The following PRC1 variants were observed in gnomAD, a reference collection of about 807,000 sequenced individuals.
PRC1 encodes anaphase spindle elongation 1 homolog.
In PRC1, 54 loss-of-function variants were observed where a neutral mutation model predicts 91.2. That is an observed-to-expected ratio of 0.59 (90% CI 0.48 to 0.74). The LOEUF is 0.74. Ranked by LOEUF, PRC1 falls within the 30% of genes least tolerant of loss-of-function variation. The pLI is 0.00. For missense variants in PRC1, 727 were observed against 746.2 expected, an observed-to-expected ratio of 0.97 and a Z score of 0.30; for synonymous variants, 275 against 263.6, an observed-to-expected ratio of 1.04 and a Z score of -0.42.
chr15:90,977,914 G>C (rs957391304), intron 8 of PRC1, among the ~76,000 whole-genome samples: 8 of 152,072 alleles, frequency 5.3e-5, no homozygotes, highest in East Asian at 1.9e-4. Context: ...TACTCTTCTT[G>C]TTGTAACCAG....
chr15:90,975,697 A>G (rs2038619354), intron 9 of PRC1, among the ~76,000 whole-genome samples: 1 of 152,066 alleles, frequency 6.6e-6, no homozygotes, highest in Non-Finnish European at 1.5e-5. Flanking sequence ...TTAAAAAGAG[A>G]ATTAAGGCCA....
At chr15:90,981,138 CATGAGAGTTCA>C in intron 5 of PRC1, 105 bp from the exon 6 acceptor site, 9 of 1,446,604 alleles carry the variant, frequency 6.2e-6, no homozygotes, top group Non-Finnish European at 8.4e-6. Flanking sequence ...GAGGCACTTT[CATGAGAGTTCA>C]AAGTAGCATG....
intron 1 of PRC1, among the ~76,000 whole-genome samples, chr15:90,986,522 T>A (rs927932243): frequency 6.6e-6 from 1 of 152,096 alleles, no homozygotes; most frequent in African/African-American, 2.4e-5. Context: ...CTGGGGCGGC[T>A]GAGGCAGGAG....
chr15:90,980,121 C>T, intron 7 of PRC1, 121 bp downstream of exon 7: 1 of 1,302,246 alleles, frequency 7.7e-7, no homozygotes, highest in South Asian at 2.0e-5. Flanking sequence ...TGTGGTGGCC[C>T]AACACTTTGG....
intron 8 of PRC1, among the ~76,000 whole-genome samples, chr15:90,977,037 G>T (rs556523006): frequency 1.3e-5 from 2 of 148,938 alleles, no homozygotes; most frequent in South Asian, 4.2e-4. Context: ...GGCTGAGACA[G>T]GAGAATCACT....
intron 12 of PRC1, among the ~76,000 whole-genome samples, 163 bp from the exon 13 acceptor site, chr15:90,969,786 ATATATATATATATATG>A (rs1320446543): frequency 1.2e-5 from 1 of 83,986 alleles, no homozygotes; most frequent in Non-Finnish European, 2.0e-5. Context: ...ATATATATAT[ATATATATATATATATG>A]GGGCTGGGTG....
intron 3 of PRC1, 82 bp downstream of exon 3, chr15:90,983,936 C>T: frequency 6.5e-7 from 1 of 1,534,914 alleles, no homozygotes; most frequent in Non-Finnish European, 8.9e-7. Context: ...GGAAGCCTTC[C>T]ATCTGCAGGC....
At position 90,968,066 on chromosome 15, in the gene PRC1, C is replaced by T. The variant is rs145262255; in HGVS notation, c.1792-864G>A. The stretch of plus-strand genomic sequence containing the variant: ...CAGATATTAGCAGAGGTTAGTTTAC[C>T]GGCTTTGGTGCTGCCTGGTGGAGTC... On this transcript the variant is annotated intron_variant, in intron 14 of 14. Coordinates refer to ENST00000394249, the MANE Select transcript of PRC1 (RefSeq NM_003981.4). 1.9e-4 allele frequency: 184 copies of T among 985,386 alleles called. No individual in the cohort carries two copies. The African/African-American group carries it at 2.7e-3, about 15-fold the overall frequency. 61.0% of individuals were successfully genotyped at this position (985,386 alleles called of 1,614,324 possible). A position where few individuals can be genotyped will look rare whatever the true frequency, so the allele number is the denominator to read the frequency against.
In PRC1 at chr15:90,984,828, G is replaced by A. The variant is rs770929479; in HGVS notation, c.12-3C>T. 6.8e-6 allele frequency: 11 copies of A among 1,613,250 alleles called. No homozygotes were observed. The South Asian group carries it at 1.2e-4, about 18-fold the overall frequency. On this transcript the variant is annotated splice_polypyrimidine_tract_variant and splice_region_variant and intron_variant, in intron 1 of 14. Coordinates refer to ENST00000394249, the MANE Select transcript of PRC1 (RefSeq NM_003981.4). This position sits in a 1 kb window ranked among gnomAD's most constrained non-coding sequence, Gnocchi z 5.1. ...TGGACTCCTCCGCCAGCACCTCACT[G>A]AAAACCAAAAACTAAGGCCTGTTAG...
chr15:90,981,245 T>C, intron 5 of PRC1: 1 of 726,186 alleles, frequency 1.4e-6, no homozygotes, highest in Non-Finnish European at 2.2e-6. Flanking sequence ...CTGAAAAAAA[T>C]TTTAATTAAA....
intron 3 of PRC1, 139 bp from the exon 4 acceptor site, chr15:90,982,120 G>T: frequency 1.3e-6 from 1 of 774,242 alleles, no homozygotes; most frequent in Non-Finnish European, 2.1e-6. Context: ...ACAGAATATG[G>T]CACAAAGAGG....
At chr15:90,981,318 TA>T in intron 5 of PRC1, 180 bp downstream of exon 5, 1 of 731,420 alleles carries the variant, frequency 1.4e-6, no homozygotes, top group Non-Finnish European at 2.2e-6. Flanking sequence ...TGGAGCCATA[TA>T]AAGGTTTTTT....
rs779483247 is a variant in PRC1 at position 90,966,981 on chromosome 15, C to G, written c.*150G>C. On this transcript the variant is annotated 3_prime_UTR_variant, in exon 15 of 15. Transcript: ENST00000394249. Reference sequence around the variant, plus strand: ...CTATGATGGGCTTTCAACTGTAACACTCATTCACATCTTTAAGTTAGGCCC... The same window carrying G: ...CTATGATGGGCTTTCAACTGTAACAGTCATTCACATCTTTAAGTTAGGCCC... The G allele has an allele frequency of 2.9e-6, 2 of 678,572 alleles. No homozygotes were observed. The highest frequency in any genetic ancestry group is 5.2e-6 in the Non-Finnish European group (2 of 384,410). 42.0% of individuals were successfully genotyped at this position (678,572 alleles called of 1,614,324 possible). A position where few individuals can be genotyped will look rare whatever the true frequency, so the allele number is the denominator to read the frequency against.
intron 6 of PRC1, 181 bp from the exon 7 acceptor site, chr15:90,980,570 G>T: frequency 1.3e-6 from 1 of 740,806 alleles, no homozygotes. Flanking sequence ...CCAGACAGGA[G>T]TGCAGTGGCG....
intron 12 of PRC1, 91 bp downstream of exon 12, chr15:90,970,313 G>T: frequency 2.1e-6 from 2 of 935,054 alleles, no homozygotes; most frequent in South Asian, 1.5e-5. Flanking sequence ...CAAATCCAGG[G>T]ATCTTAGAAT....
At position 90,976,734 on chromosome 15, in the gene PRC1, C is replaced by T; in HGVS notation, c.1145G>A (p.Gly382Glu). Residue 382 changes from glycine (G) to glutamate (E), a missense_variant, in exon 9 of 15, where the codon GGA becomes GAA. By Grantham distance (98) the Gly-to-Glu change is moderately conservative. Transcript: ENST00000394249. Reference protein sequence around the residue: ...ASDPNRFTNRGGNLLKEEKQR... With the variant: ...ASDPNRFTNREGNLLKEEKQR... Reference sequence around the variant, plus strand: ...TTTTTCTTCTTTTAGAAGATTTCCTCCTCGGTTTGTAAATCGATTTGGATC... The same window carrying T: ...TTTTTCTTCTTTTAGAAGATTTCCTTCTCGGTTTGTAAATCGATTTGGATC... 1.9e-6 allele frequency: 3 copies of T among 1,613,750 alleles called. No individual in the cohort carries two copies. Among genetic ancestry groups the T allele is most frequent in the Non-Finnish European group, 2.5e-6 (3 of 1,179,754 alleles).
intron 14 of PRC1, chr15:90,968,359 C>T (rs1198934176): frequency 1.5e-4 from 148 of 985,484 alleles, no homozygotes; most frequent in Non-Finnish European, 1.7e-4. Context: ...CTGTTCCATT[C>T]TCTATCCCTG....
In PRC1 at chr15:90,994,387, G is replaced by C. The variant is rs201311117; in HGVS notation, c.11+20C>G. ...GCGTCGCTCCCTCCCGCGTCCCCTCGATTTCCCCGCAACCCGCACCTTCTC... is the reference window on the plus strand; with the variant it reads ...GCGTCGCTCCCTCCCGCGTCCCCTCCATTTCCCCGCAACCCGCACCTTCTC... On this transcript the variant is annotated intron_variant, in intron 1 of 14. Coordinates refer to ENST00000394249, the MANE Select transcript of PRC1 (RefSeq NM_003981.4). 1.1e-5 allele frequency: 18 copies of C among 1,611,256 alleles called. No individual in the cohort carries two copies. Among genetic ancestry groups the C allele is most frequent in the Non-Finnish European group, 1.5e-5 (18 of 1,178,908 alleles).
Position 90,974,104 on chromosome 15 carries a change from G to T in PRC1, c.1461+32C>A. 6.3e-7 allele frequency: 1 copy of T among 1,588,986 alleles called. No individual in the cohort carries two copies. Among genetic ancestry groups the T allele is most frequent in the South Asian group, 1.1e-5 (1 of 90,520 alleles). On this transcript the variant is annotated intron_variant, in intron 11 of 14. Transcript: ENST00000394249. This position sits in a 1 kb window ranked among gnomAD's most constrained non-coding sequence, Gnocchi z 4.6. ...TGGGACTACCCTCACCCACTCCCTT[G>T]AAATCAGTGTTTCCCTAAGCCTTGT... is the stretch of plus-strand genomic sequence containing the variant.
Sources: allele counts gnomAD v4.1 joint callset (sites outside exome capture counted in the v4.1 genomes callset), GRCh38; gene constraint gnomAD v4.1.1; non-coding constraint Gnocchi (gnomAD v3.1); transcripts MANE v1.5; gene names NCBI Gene and HGNC (gene_info 2026-07-23, HGNC 2026-07-21).